The following TENM2 variants were observed in gnomAD, a reference collection of about 807,000 sequenced individuals.
TENM2 encodes the protein teneurin transmembrane protein 2.
Under a neutral mutation model 245.2 loss-of-function variants are expected in TENM2, and 52 were observed. The ratio of observed to expected loss-of-function variants is 0.21; its 90% CI spans 0.17 to 0.27. The LOEUF is 0.27. Ranked by LOEUF, TENM2 falls within the 10% of genes least tolerant of loss-of-function variation. The pLI, the probability that TENM2 is intolerant of heterozygous loss-of-function variation, is 1.00. For synonymous variants in TENM2, 1,363 were observed against 1,438.9 expected, an observed-to-expected ratio of 0.95 and a Z score of 1.19; for missense variants, 3,046 against 3,666.8, an observed-to-expected ratio of 0.83 and a Z score of 4.37.
At chr5:168,255,955 G>A (rs982148718) in intron 27 of TENM2, among the ~76,000 whole-genome samples, 5 of 151,866 alleles carry the variant, frequency 3.3e-5, no homozygotes, top group African/African-American at 7.3e-5. Context: ...ACAGGCAGGC[G>A]CCACCATGCC....
intron 11 of TENM2, among the ~76,000 whole-genome samples, chr5:168,125,675 C>T (rs1244642641): frequency 6.6e-6 from 1 of 151,826 alleles, no homozygotes; most frequent in Non-Finnish European, 1.5e-5. Flanking sequence ...TGTCAGATTG[C>T]CATGGCAATC....
At chr5:167,687,646 G>C (rs1757161374) in intron 2 of TENM2, among the ~76,000 whole-genome samples, 1 of 151,988 alleles carries the variant, frequency 6.6e-6, no homozygotes, top group Non-Finnish European at 1.5e-5. Context: ...AATGATCAAG[G>C]TACTTTGAGT....
chr5:167,770,776 A>G (rs1351205515), intron 2 of TENM2, among the ~76,000 whole-genome samples: 1 of 152,164 alleles, frequency 6.6e-6, no homozygotes. Context: ...AACGGGATAC[A>G]ACACAGTAAA....
At chr5:167,257,948 T>C in the TENM2 span, among the ~76,000 whole-genome samples, 1 of 151,752 alleles carries the variant, frequency 6.6e-6, no homozygotes, top group African/African-American at 2.4e-5. Context: ...CAAAATGAAA[T>C]GAAGACTAGG....
At chr5:167,967,798 CTCTG>C (rs1272552079) in intron 4 of TENM2, among the ~76,000 whole-genome samples, 2 of 152,212 alleles carry the variant, frequency 1.3e-5, no homozygotes, top group Non-Finnish European at 2.9e-5. Context: ...ATATTTCCAT[CTCTG>C]TCTGTGCTCT....
chr5:168,208,873 G>A (rs1207568848), intron 19 of TENM2, among the ~76,000 whole-genome samples: 1 of 152,098 alleles, frequency 6.6e-6, no homozygotes, highest in Non-Finnish European at 1.5e-5. Context: ...GGAATATTTA[G>A]GATGAGAAAG....
At chr5:168,010,186 T>C (rs2152072500) in intron 5 of TENM2, among the ~76,000 whole-genome samples, 2 of 152,356 alleles carry the variant, frequency 1.3e-5, no homozygotes, top group East Asian at 3.9e-4. Context: ...TGTAATTGAC[T>C]TATCAGCCAG....
At chr5:167,783,809 C>T (rs1217520559) in intron 2 of TENM2, among the ~76,000 whole-genome samples, 1 of 152,084 alleles carries the variant, frequency 6.6e-6, no homozygotes, top group Non-Finnish European at 1.5e-5. Context: ...GAGCCCTGGG[C>T]TCCCTCCCAG....
At chr5:167,118,057 T>A in the TENM2 span, among the ~76,000 whole-genome samples, 1 of 152,216 alleles carries the variant, frequency 6.6e-6, no homozygotes, top group East Asian at 1.9e-4. Context: ...ATTTTAAAAA[T>A]GTGTTTTCTT....
chr5:167,880,800 G>A (rs1773816427), intron 3 of TENM2, among the ~76,000 whole-genome samples: 1 of 152,176 alleles, frequency 6.6e-6, no homozygotes, highest in Non-Finnish European at 1.5e-5. Flanking sequence ...TTGATCAATA[G>A]AAAAACCTTA....
the TENM2 span, among the ~76,000 whole-genome samples, chr5:167,139,092 C>T: frequency 6.6e-6 from 1 of 152,184 alleles, no homozygotes; most frequent in African/African-American, 2.4e-5. Context: ...CAGTCAAAGA[C>T]ACAGACTCAT....
intron 17 of TENM2, among the ~76,000 whole-genome samples, chr5:168,201,801 A>G (rs1016301436): frequency 6.6e-6 from 1 of 151,958 alleles, no homozygotes; most frequent in Non-Finnish European, 1.5e-5. Flanking sequence ...TCTAACCTTT[A>G]TAATTTATTT....
At chr5:167,881,589 G>A (rs978764508) in intron 3 of TENM2, among the ~76,000 whole-genome samples, 2 of 152,104 alleles carry the variant, frequency 1.3e-5, no homozygotes, top group Non-Finnish European at 2.9e-5. Context: ...GATTTGTACC[G>A]CACATAAGCC....
At chr5:167,320,188 C>T (rs929257878) in intron 1 of TENM2, among the ~76,000 whole-genome samples, 4 of 152,134 alleles carry the variant, frequency 2.6e-5, no homozygotes, top group Non-Finnish European at 4.4e-5. Flanking sequence ...CTTATAGCCT[C>T]AGGAATAAAA....
chr5:167,031,280 A>G, the TENM2 span, among the ~76,000 whole-genome samples: 49 of 152,194 alleles, frequency 3.2e-4, no homozygotes, highest in Admixed American at 3.2e-3. Flanking sequence ...TATCCAATCT[A>G]GGCCAGTTTT....
At chr5:167,101,340 C>T in the TENM2 span, among the ~76,000 whole-genome samples, 41 of 152,086 alleles carry the variant, frequency 2.7e-4, no homozygotes, top group African/African-American at 9.4e-4. Context: ...TTATGGAACA[C>T]CATCTATATT....
rs571084324 is a variant in TENM2 at position 167,670,572 on chromosome 5, T to G, written c.503-205414T>G. Among the ~76,000 whole-genome samples, 11 of 152,228 alleles carry G rather than the reference T, an allele frequency of 7.2e-5. No individual in the cohort carries two copies. The South Asian group carries it at 2.1e-3, about 29-fold the overall frequency. The stretch of plus-strand genomic sequence containing the variant: ...TCATTCACAGACTTGATCATTCAAA[T>G]TGCAATGAACGTTACTACTCAAGAG... On this transcript the variant is annotated intron_variant, in intron 2 of 28. Coordinates refer to ENST00000518659, the Ensembl canonical transcript of TENM2.
At chr5:167,400,152 A>T (rs753405120) in intron 2 of TENM2, among the ~76,000 whole-genome samples, 119 of 152,048 alleles carry the variant, frequency 7.8e-4, no homozygotes, top group Non-Finnish European at 1.2e-3. Context: ...TAGAAAAATT[A>T]TTCTAAATGT....
intron 6 of TENM2, among the ~76,000 whole-genome samples, chr5:168,059,292 G>A (rs1257264663): frequency 3.9e-5 from 6 of 152,122 alleles, no homozygotes; most frequent in Admixed American, 1.3e-4. Context: ...ATCTGCATCT[G>A]GCTTGATATC....
Sources: gnomAD v4.1 joint callset for allele counts (sites outside exome capture counted in the v4.1 genomes callset) on GRCh38, gnomAD v4.1.1 for gene constraint, MANE v1.5 for transcripts, NCBI Gene and HGNC (gene_info 2026-07-23, HGNC 2026-07-21) for gene names.